Variants in SLC44A5 observed in about 807,000 individuals in gnomAD.
SLC44A5 encodes solute carrier family 44 member 5.
A neutral mutation model predicts 101.8 loss-of-function variants in SLC44A5; 57 were observed. The observed-to-expected ratio is 0.56, with a 90% CI of 0.45 to 0.70. The LOEUF (loss-of-function observed/expected upper bound fraction) is 0.70. SLC44A5 is among the 30% of genes least tolerant of loss of function. SLC44A5 has a pLI of 0.00. For synonymous variants in SLC44A5, 281 were observed against 290.9 expected (o/e 0.97, Z 0.35); for missense variants, 737 against 853.1 (o/e 0.86, Z 1.70).
At chr1:75,439,921 A>G (rs914642848) in intron 2 of SLC44A5, among the ~76,000 whole-genome samples, 2 of 152,144 alleles carry the variant, frequency 1.3e-5, no homozygotes, top group Non-Finnish European at 2.9e-5. Context: ...CATAATGAGA[A>G]AATCTTAAGC....
chr1:75,697,818 G>A, the SLC44A5 span, among the ~76,000 whole-genome samples: 3 of 152,168 alleles, frequency 2.0e-5, no homozygotes, highest in Non-Finnish European at 2.9e-5. Flanking sequence ...GCTGAAGCAG[G>A]GCGAGGCATT....
intron 15 of SLC44A5, 94 bp downstream of exon 15, chr1:75,219,706 T>C: frequency 1.3e-6 from 1 of 780,910 alleles, no homozygotes; most frequent in East Asian, 2.6e-5. Context: ...ACATTCCTCA[T>C]CTTCCCAGGG....
the SLC44A5 span, among the ~76,000 whole-genome samples, chr1:75,639,220 G>A: frequency 1.3e-5 from 2 of 152,176 alleles, no homozygotes; most frequent in South Asian, 2.1e-4. Context: ...ACCACAAAAT[G>A]ATAACTATGT....
chr1:75,573,530 T>A (rs976753354), intron 1 of SLC44A5, among the ~76,000 whole-genome samples: 1 of 152,152 alleles, frequency 6.6e-6, no homozygotes, highest in East Asian at 1.9e-4. Context: ...TGCATGTTTA[T>A]CAATGCACAG....
intron 3 of SLC44A5, chr1:75,357,052 G>A (rs185565217): frequency 8.0e-5 from 31 of 386,394 alleles, no homozygotes; most frequent in Admixed American, 4.2e-4. Flanking sequence ...GTGGCACATC[G>A]TTGCATTTCC....
At chr1:75,460,062 T>C (rs1322043412) in intron 2 of SLC44A5, among the ~76,000 whole-genome samples, 1 of 152,180 alleles carries the variant, frequency 6.6e-6, no homozygotes, top group Non-Finnish European at 1.5e-5. Context: ...GCGACTATAT[T>C]AAAATTAATG....
Position 75,203,809 on chromosome 1 carries a change from C to T in SLC44A5, c.2072G>A (p.Gly691Asp). Residue 691 changes from glycine (G) to aspartate (D), a missense_variant, in exon 24 of 24, where the codon GGT (glycine) becomes GAT (aspartate). Gly to Asp is a moderately conservative substitution (Grantham distance 94). This residue lies in a region of SLC44A5 where 61 missense variants were observed against 56.5 expected (regional missense o/e 1.08). Transcript: ENST00000370859. ...CFLEDLERND[G>D]STARPYYVSQ... ...CACATAATAAGGTCTTGCAGTAGAACCATCATTTCTTTCTAAATCTTCCAC... is the reference window on the plus strand; with the variant it reads ...CACATAATAAGGTCTTGCAGTAGAATCATCATTTCTTTCTAAATCTTCCAC... 6.5e-7 allele frequency: 1 copy of T among 1,548,840 alleles called. No homozygotes were observed. Among genetic ancestry groups the T allele is most frequent in the Non-Finnish European group, 8.7e-7 (1 of 1,145,730 alleles).
chr1:75,512,772 G>A (rs981721081), intron 2 of SLC44A5, among the ~76,000 whole-genome samples: 1 of 152,176 alleles, frequency 6.6e-6, no homozygotes, highest in Non-Finnish European at 1.5e-5. Flanking sequence ...GAGGAAGGCT[G>A]ATGCAGAGCT....
intron 14 of SLC44A5, among the ~76,000 whole-genome samples, chr1:75,220,312 T>C (rs953212285): frequency 1.3e-5 from 2 of 152,122 alleles, no homozygotes; most frequent in African/African-American, 2.4e-5. Flanking sequence ...GGTGAACACA[T>C]TGAGTGATGG....
intron 3 of SLC44A5, among the ~76,000 whole-genome samples, chr1:75,384,309 C>A (rs1661137325): frequency 1.3e-5 from 2 of 150,648 alleles, no homozygotes; most frequent in Admixed American, 6.6e-5. Context: ...ATTCAGGAAA[C>A]CCATCTCACG....
chr1:75,582,385 C>A, intron 1 of SLC44A5: 1 of 809,200 alleles, frequency 1.2e-6, no homozygotes, highest in Non-Finnish European at 2.0e-6. Flanking sequence ...ATCGACTTGC[C>A]CACATTGCCC....
intron 4 of SLC44A5, among the ~76,000 whole-genome samples, chr1:75,336,789 C>T (rs1329939372): frequency 6.6e-6 from 1 of 152,084 alleles, no homozygotes; most frequent in Non-Finnish European, 1.5e-5. Flanking sequence ...ATACTTGGAT[C>T]CACACCATAT....
chr1:75,627,514 A>G, the SLC44A5 span, among the ~76,000 whole-genome samples: 2 of 151,958 alleles, frequency 1.3e-5, 1 homozygote, highest in Non-Finnish European at 2.9e-5. Flanking sequence ...CCTTGTCTGT[A>G]CAAAAAAATT....
intron 1 of SLC44A5, among the ~76,000 whole-genome samples, chr1:75,595,279 A>G (rs1016965742): frequency 5.3e-5 from 8 of 152,116 alleles, no homozygotes; most frequent in African/African-American, 1.4e-4. Context: ...GCCTAAGGGC[A>G]GCTTTTCACA....
At chr1:75,716,827 T>A in the SLC44A5 span, among the ~76,000 whole-genome samples, 3 of 150,468 alleles carry the variant, frequency 2.0e-5, no homozygotes, top group African/African-American at 7.3e-5. Flanking sequence ...AGCTCAGGAG[T>A]TCAAGACCAG....
the SLC44A5 span, among the ~76,000 whole-genome samples, chr1:75,621,243 T>A: frequency 6.6e-6 from 1 of 152,166 alleles, no homozygotes; most frequent in Non-Finnish European, 1.5e-5. Context: ...TAAAGGATAG[T>A]TCTGAATGAA....
At chr1:75,402,456 C>A in intron 2 of SLC44A5, 1 of 397,168 alleles carries the variant, frequency 2.5e-6, no homozygotes, top group Non-Finnish European at 5.2e-6. Flanking sequence ...ACGCAGAAGG[C>A]AGGTGATTTC....
At chr1:75,376,261 G>T (rs969304711) in intron 3 of SLC44A5, among the ~76,000 whole-genome samples, 2 of 152,238 alleles carry the variant, frequency 1.3e-5, no homozygotes, top group Non-Finnish European at 2.9e-5. Flanking sequence ...GGCTGGGGGA[G>T]GGGCGCCCGC....
chr1:75,396,955 A>G (rs985180675), intron 2 of SLC44A5, among the ~76,000 whole-genome samples: 2 of 152,194 alleles, frequency 1.3e-5, no homozygotes, highest in Non-Finnish European at 2.9e-5. Flanking sequence ...TTACTAAGAA[A>G]TGAGGCATTT....
Sources: allele counts gnomAD v4.1 joint callset (sites outside exome capture counted in the v4.1 genomes callset), GRCh38; gene constraint gnomAD v4.1.1; regional missense constraint gnomAD v4.1.1; transcripts MANE v1.5; gene names NCBI Gene and HGNC (gene_info 2026-07-23, HGNC 2026-07-21).